ARHGEF10L: variants seen among roughly 807,000 people sequenced by gnomAD.
The protein encoded by ARHGEF10L is rho guanine nucleotide exchange factor 10-like protein.
A neutral mutation model predicts 141.2 loss-of-function variants in ARHGEF10L; 69 were observed. That is an observed-to-expected ratio of 0.49 (90% CI 0.40 to 0.60). The LOEUF is 0.60. Ranked by LOEUF, ARHGEF10L falls within the 20% of genes least tolerant of loss-of-function variation. The pLI is 0.00. For synonymous variants in ARHGEF10L, 711 were observed against 718.5 expected, an observed-to-expected ratio of 0.99 and a Z score of 0.17; for missense variants, 1,482 against 1,734.3, an observed-to-expected ratio of 0.85 and a Z score of 2.58.
At chr1:17,629,290 G>T (rs1036982275) in intron 15 of ARHGEF10L, among the ~76,000 whole-genome samples, 1 of 151,794 alleles carries the variant, frequency 6.6e-6, no homozygotes, top group African/African-American at 2.4e-5. Flanking sequence ...GCCTCCCAAA[G>T]TGTTGGGATC....
At chr1:17,600,584 A>G (rs1171427568) in intron 4 of ARHGEF10L, among the ~76,000 whole-genome samples, 3 of 152,164 alleles carry the variant, frequency 2.0e-5, no homozygotes, top group African/African-American at 4.8e-5. Context: ...GCACATTACC[A>G]TTCACTAAAC....
rs535005502 is a variant in ARHGEF10L, at chr1:17,541,892, G to A, written c.-44+1942G>A. Among the ~76,000 whole-genome samples, 165 of 152,250 alleles carry A rather than the reference G, an allele frequency of 1.1e-3. 3 individuals carry two copies. The highest frequency in any genetic ancestry group is 3.4e-3 in the Middle Eastern group (1 of 294). The stretch of plus-strand genomic sequence containing the variant: ...TGAAGCAGGAGAATCGCTTGAACCC[G>A]GGAAGTGCAGGTTGCAGTGAGCCAA... On this transcript the variant is annotated intron_variant, in intron 1 of 28. Transcript: ENST00000361221.
At chr1:17,596,934 C>A (rs768684430) in intron 4 of ARHGEF10L, among the ~76,000 whole-genome samples, 7 of 152,172 alleles carry the variant, frequency 4.6e-5, no homozygotes, top group Non-Finnish European at 8.8e-5. Flanking sequence ...ACACGGGGAC[C>A]TACCCCTCCC....
intron 7 of ARHGEF10L, among the ~76,000 whole-genome samples, chr1:17,609,420 A>G (rs186810047): frequency 2.2e-4 from 33 of 152,284 alleles, no homozygotes; most frequent in Admixed American, 1.9e-3. Context: ...AGCATTTACA[A>G]CACCTACTGT....
chr1:17,649,668 A>G (rs2061800415), intron 22 of ARHGEF10L, among the ~76,000 whole-genome samples: 2 of 152,186 alleles, frequency 1.3e-5, no homozygotes, highest in Admixed American at 1.3e-4. Flanking sequence ...GGAGAGAGAG[A>G]GGCAAAACCC....
At chr1:17,572,747 A>G (rs2078056205) in intron 1 of ARHGEF10L, among the ~76,000 whole-genome samples, 1 of 152,112 alleles carries the variant, frequency 6.6e-6, no homozygotes, top group African/African-American at 2.4e-5. Context: ...CCTGGCAGGC[A>G]GTAGGTGCGC....
upstream of ARHGEF10L, among the ~76,000 whole-genome samples, chr1:17,536,100 G>A (rs2076572264): frequency 1.3e-5 from 2 of 152,234 alleles, no homozygotes. Flanking sequence ...CATAGTGTCT[G>A]GGGGATGGAG....
rs182467150 is a variant in ARHGEF10L at position 17,664,606 on chromosome 1, A to G, written c.3009+11A>G. On this transcript the variant is annotated intron_variant, in intron 26 of 28. Coordinates refer to ENST00000361221, the MANE Select transcript of ARHGEF10L (RefSeq NM_018125.4). ...ACCCTGCAGCCTCAGGTACTGCACT[A>G]TCCTTTGGCTTGTGGCCCTGGAGGC... is the stretch of plus-strand genomic sequence containing the variant. The G allele has an allele frequency of 8.1e-4, 1,239 of 1,535,366 alleles. 7 individuals are homozygous for G. In the Middle Eastern group the frequency reaches 0.011, roughly 13 times the overall value.
At chr1:17,551,455 G>A (rs1051111715) in intron 1 of ARHGEF10L, among the ~76,000 whole-genome samples, 2 of 152,144 alleles carry the variant, frequency 1.3e-5, no homozygotes, top group African/African-American at 4.8e-5. Flanking sequence ...TCAGGGGAGG[G>A]AATAGCAGGG....
intron 7 of ARHGEF10L, 85 bp from the exon 8 acceptor site, chr1:17,612,973 C>A (rs1232385522): frequency 6.5e-6 from 6 of 918,776 alleles, no homozygotes; most frequent in Non-Finnish European, 7.1e-6. Flanking sequence ...TCTCCTTTCT[C>A]CCCTGTTGTC....
At chr1:17,517,712 G>A in the ARHGEF10L span, among the ~76,000 whole-genome samples, 2 of 152,034 alleles carry the variant, frequency 1.3e-5, no homozygotes, top group African/African-American at 4.8e-5. Flanking sequence ...CCAGGCTGGA[G>A]TACAATGGCA....
Position 17,607,301 on chromosome 1 carries a change from TC to T in ARHGEF10L, c.434-499del, listed in dbSNP as rs2081267162. The stretch of plus-strand genomic sequence containing the variant: ...ACCAGCCTGGGCAACATAACAAGAC[TC>T]CGTCTCTACAAAAAATTAAAAAATT... On this transcript the variant is annotated intron_variant, in intron 6 of 28. Transcript: ENST00000361221. The surrounding 1 kb of genome is among the most constrained non-coding windows in gnomAD (Gnocchi z 4.5). 6.6e-6 allele frequency among the ~76,000 whole-genome samples: 1 copy of T among 152,022 alleles called. No homozygotes were observed. The highest frequency in any genetic ancestry group is 1.5e-5 in the Non-Finnish European group (1 of 67,990).
intron 2 of ARHGEF10L, among the ~76,000 whole-genome samples, chr1:17,583,784 C>A (rs1344476915): frequency 1.3e-5 from 2 of 152,174 alleles, no homozygotes; most frequent in African/African-American, 2.4e-5. Flanking sequence ...CTGTGTAAGT[C>A]AGGATGGGCC....
rs2080865417 is a variant in ARHGEF10L, at chr1:17,603,302, G to A, written c.350-206G>A. On this transcript the variant is annotated intron_variant, in intron 5 of 28. Coordinates refer to ENST00000361221, the MANE Select transcript of ARHGEF10L (RefSeq NM_018125.4). This position sits in a 1 kb window ranked among gnomAD's most constrained non-coding sequence, Gnocchi z 4.8. ...GTGGGGTCTGTGCAGTCACTGGGAG[G>A]GCGCCTTGGAGGGGGTGGGGGGCGG... 7.8e-6 allele frequency among the ~76,000 whole-genome samples: 1 copy of A among 127,644 alleles called. No homozygotes were observed. Among genetic ancestry groups the A allele is most frequent in the South Asian group, 3.0e-4 (1 of 3,338 alleles). 83.7% of individuals were successfully genotyped at this position (127,644 alleles called of 152,430 possible). A position where few individuals can be genotyped will look rare whatever the true frequency, so the allele number is the denominator to read the frequency against.
At chr1:17,632,632 C>G (rs1481558896) in intron 16 of ARHGEF10L, among the ~76,000 whole-genome samples, 166 bp downstream of exon 16, 2 of 152,196 alleles carry the variant, frequency 1.3e-5, no homozygotes, top group Non-Finnish European at 2.9e-5. Flanking sequence ...CCACTGGTCC[C>G]CAACGCTGGG....
intron 15 of ARHGEF10L, among the ~76,000 whole-genome samples, chr1:17,629,002 A>G (rs2060533087): frequency 6.6e-6 from 1 of 152,148 alleles, no homozygotes; most frequent in South Asian, 2.1e-4. Flanking sequence ...GTTGTGGCCC[A>G]CACAGTATTT....
intron 1 of ARHGEF10L, among the ~76,000 whole-genome samples, chr1:17,552,616 G>A (rs2077161806): frequency 1.8e-5 from 2 of 110,528 alleles, no homozygotes; most frequent in Admixed American, 2.6e-4. Flanking sequence ...TAGATACAGG[G>A]TTTCACCATA....
At chr1:17,571,357 G>A (rs760635024) in intron 1 of ARHGEF10L, among the ~76,000 whole-genome samples, 31 of 152,152 alleles carry the variant, frequency 2.0e-4, no homozygotes, top group Non-Finnish European at 3.5e-4. Flanking sequence ...GGCTGGCAAA[G>A]CGGTGGGCAC....
Position 17,655,882 on chromosome 1 carries a change from G to A in ARHGEF10L, c.2485G>A (p.Gly829Arg), listed in dbSNP as rs374475787. Residue 829 changes from glycine to arginine, a missense_variant, in exon 24 of 29, where the codon GGG becomes AGG. Around this residue, in one of 3 missense-constraint regions of ARHGEF10L, gnomAD observed 858 missense variants for 966.3 expected, o/e 0.89. Transcript: ENST00000361221. ...TSLPQGYLWV[G>R]GGQEGAGGQV... ...CTCTCTGGGTCTCTGCTCCCAGGTC[G>A]GGGGCGGACAGGAAGGCGCAGGGGG... 7.7e-6 allele frequency: 12 copies of A among 1,553,266 alleles called. No homozygotes were observed. Among genetic ancestry groups the A allele is most frequent in the Non-Finnish European group, 1.0e-5 (12 of 1,148,350 alleles).
Sources: gnomAD v4.1 joint callset for allele counts (sites outside exome capture counted in the v4.1 genomes callset) on GRCh38, gnomAD v4.1.1 for gene constraint, gnomAD v4.1.1 regional missense constraint, Gnocchi (gnomAD v3.1) non-coding constraint, MANE v1.5 for transcripts, NCBI Gene and HGNC (gene_info 2026-07-23, HGNC 2026-07-21) for gene names.